ATP13A5: variants seen among roughly 807,000 people sequenced by gnomAD.
The protein encoded by ATP13A5 is probable cation-transporting ATPase 13A5.
Under a neutral mutation model 150.2 loss-of-function variants are expected in ATP13A5, and 149 were observed. That is an observed-to-expected ratio of 0.99 (90% CI 0.87 to 1.14). The LOEUF (loss-of-function observed/expected upper bound fraction) is 1.14. Among genes scored for constraint, ATP13A5 ranks in the 50% most tolerant of loss-of-function variants. ATP13A5 has a pLI of 0.00. For synonymous variants in ATP13A5, 497 were observed against 522.2 expected, an observed-to-expected ratio of 0.95 and a Z score of 0.66; for missense variants, 1,383 against 1,449.3, an observed-to-expected ratio of 0.95 and a Z score of 0.74.
intron 25 of ATP13A5, among the ~76,000 whole-genome samples, chr3:193,294,176 G>A (rs1265985968): frequency 6.6e-6 from 1 of 152,080 alleles, no homozygotes; most frequent in Non-Finnish European, 1.5e-5. Flanking sequence ...GATGGAAACA[G>A]TAAGAATGGA....
intron 21 of ATP13A5, among the ~76,000 whole-genome samples, chr3:193,310,102 G>A (rs1412355500): frequency 6.6e-6 from 1 of 152,044 alleles, no homozygotes. Flanking sequence ...GCTTCCACTT[G>A]TAAGTGAGAA....
rs556283708 is a variant in ATP13A5 at position 193,289,420 on chromosome 3, A to G, written c.3023+465T>C. On this transcript the variant is annotated intron_variant, in intron 26 of 29. Transcript: ENST00000342358. ...CAGTGGCCTGCAAACTACAGCCCAC[A>G]GGCCAAATCTGATTCATCACCTGAT... Among the ~76,000 whole-genome samples the G allele has an allele frequency of 2.6e-5, 4 of 152,254 alleles. No homozygotes were observed. In the East Asian group the frequency reaches 7.7e-4, roughly 29 times the overall value.
At chr3:193,344,733 G>A (rs574434998) in intron 8 of ATP13A5, among the ~76,000 whole-genome samples, 1 of 152,248 alleles carries the variant, frequency 6.6e-6, no homozygotes, top group East Asian at 1.9e-4. Flanking sequence ...ACGGAATGAG[G>A]GCTTGGGTGA....
chr3:193,353,886 A>AC (rs1560147200), intron 6 of ATP13A5, among the ~76,000 whole-genome samples: 12 of 151,802 alleles, frequency 7.9e-5, no homozygotes, highest in African/African-American at 2.4e-4. Context: ...ACCACCACCA[A>AC]AACCACCATC....
intron 1 of ATP13A5, among the ~76,000 whole-genome samples, chr3:193,367,985 G>A (rs1254107207): frequency 4.1e-5 from 6 of 147,630 alleles, no homozygotes; most frequent in Admixed American, 1.4e-4. Flanking sequence ...GGGAAGGGAA[G>A]GAAAGGGAAG....
chr3:193,316,970 A>C (rs182172929), intron 17 of ATP13A5, among the ~76,000 whole-genome samples: 1 of 152,334 alleles, frequency 6.6e-6, no homozygotes, highest in African/African-American at 2.4e-5. Context: ...TGGTCTTGGC[A>C]ATGATTTCAT....
chr3:193,301,399 G>T, intron 23 of ATP13A5, 92 bp from the exon 24 acceptor site: 1 of 888,520 alleles, frequency 1.1e-6, no homozygotes, highest in Non-Finnish European at 1.8e-6. Context: ...ATTTTTAGTA[G>T]CCTGTTGACA....
chr3:193,334,021 A>C lies in ATP13A5; in HGVS notation c.1115-114T>G, dbSNP rs568595295. The C allele has an allele frequency of 1.4e-5, 13 of 926,366 alleles. No individual in the cohort carries two copies. The African/African-American group carries it at 2.0e-4, about 14-fold the overall frequency. The allele number at this position is 926,366 out of a possible 1,614,324, so 57.4% of individuals were successfully genotyped here. A position where few individuals can be genotyped will look rare whatever the true frequency, so the allele number is the denominator to read the frequency against. On this transcript the variant is annotated intron_variant, in intron 10 of 29. Coordinates refer to ENST00000342358, the MANE Select transcript of ATP13A5 (RefSeq NM_198505.4). The stretch of plus-strand genomic sequence containing the variant: ...TAGAGTGTCCTCTAACCTTCTACCT[A>C]ATCATTTTATAAGTTTTCAGGTGGT...
intron 9 of ATP13A5, among the ~76,000 whole-genome samples, chr3:193,338,785 A>G (rs1711998301): frequency 6.6e-6 from 1 of 152,012 alleles, no homozygotes; most frequent in Non-Finnish European, 1.5e-5. Flanking sequence ...TTTTCTAGTG[A>G]TTGGAATTGT....
At chr3:193,355,495 A>G (rs1712748473) in intron 5 of ATP13A5, among the ~76,000 whole-genome samples, 1 of 152,172 alleles carries the variant, frequency 6.6e-6, no homozygotes, top group Non-Finnish European at 1.5e-5. Flanking sequence ...TGCATGAGAG[A>G]TCTTTGGTCT....
chr3:193,338,599 G>C (rs1711987271), intron 9 of ATP13A5, among the ~76,000 whole-genome samples: 1 of 152,174 alleles, frequency 6.6e-6, no homozygotes, highest in Non-Finnish European at 1.5e-5. Context: ...CATCATGGTG[G>C]ATAAGCTTTT....
intron 13 of ATP13A5, 67 bp downstream of exon 13, chr3:193,326,929 G>T: frequency 1.4e-6 from 2 of 1,390,300 alleles, no homozygotes; most frequent in Non-Finnish European, 2.0e-6. Flanking sequence ...ACACCCAAAA[G>T]ATGGATTTGA....
Position 193,331,249 on chromosome 3 carries a change from C to G in ATP13A5, c.1335G>C (p.Val445=). 1 of 1,614,072 alleles carries G rather than the reference C, an allele frequency of 6.2e-7. No individual in the cohort carries two copies. The highest frequency in any genetic ancestry group is 8.5e-7 in the Non-Finnish European group (1 of 1,179,968). Residue 445 remains valine, a synonymous_variant, in exon 12 of 30, where the codon GTG becomes GTC. Transcript: ENST00000342358. ...LILLTVTVPP[V]LPAALTIGNV... is the part of the protein sequence containing the mutation. ...TGCCTATGGTCAGGGCAGCTGGCAG[C>G]ACTGGAGGGACAGTCACGGTGAGGA...
intron 9 of ATP13A5, 55 bp from the exon 10 acceptor site, chr3:193,335,154 C>T: frequency 1.3e-6 from 2 of 1,542,398 alleles, no homozygotes; most frequent in Non-Finnish European, 1.8e-6. Context: ...TTGGTCAGAA[C>T]TGGTGCATGC....
intron 16 of ATP13A5, among the ~76,000 whole-genome samples, chr3:193,321,009 A>G (rs889482537): frequency 4.6e-5 from 7 of 152,078 alleles, no homozygotes; most frequent in Non-Finnish European, 7.4e-5. Context: ...TTCTCCCTGG[A>G]GGTGACAGAG....
Position 193,356,836 on chromosome 3 carries a change from CGG to C in ATP13A5, c.537-2642_537-2641del, listed in dbSNP as rs370551644. On this transcript the variant is annotated intron_variant, in intron 5 of 29. Coordinates refer to ENST00000342358, the MANE Select transcript of ATP13A5 (RefSeq NM_198505.4). Reference sequence around the variant, plus strand: ...TTTTTTTTCTTTTTCTTTTTTGAGACGGAGTGTCTTGCTCTGTCGCCCAGGCT... The same window carrying C: ...TTTTTTTTCTTTTTCTTTTTTGAGACAGTGTCTTGCTCTGTCGCCCAGGCT... 9.6e-5 allele frequency among the ~76,000 whole-genome samples: 10 copies of C among 103,724 alleles called. No homozygotes were observed. The East Asian group carries it at 2.2e-3, about 22-fold the overall frequency. The allele number at this position is 103,724 out of a possible 152,430, so 68.0% of individuals were successfully genotyped here.
In ATP13A5 at chr3:193,279,244, A is replaced by G. The variant is rs1717367819; in HGVS notation, c.3315+122T>C. ...TATCTTATTTGCCCTTCTAGTATATAGAAATAGCCTCACAGTATTTGGTGG... is the reference window on the plus strand; with the variant it reads ...TATCTTATTTGCCCTTCTAGTATATGGAAATAGCCTCACAGTATTTGGTGG... On this transcript the variant is annotated intron_variant, in intron 28 of 29. Coordinates refer to ENST00000342358, the MANE Select transcript of ATP13A5 (RefSeq NM_198505.4). 3 of 742,280 alleles carry G rather than the reference A, an allele frequency of 4.0e-6. No homozygotes were observed. In the East Asian group the frequency reaches 7.9e-5, roughly 19 times the overall value. The allele number at this position is 742,280 out of a possible 1,614,324, so 46.0% of individuals were successfully genotyped here. A position where few individuals can be genotyped will look rare whatever the true frequency, so the allele number is the denominator to read the frequency against.
rs1334195792 is a variant in ATP13A5 at position 193,343,909 on chromosome 3, T to C, written c.943+18A>G. On this transcript the variant is annotated intron_variant, in intron 9 of 29. Transcript: ENST00000342358. ...AGATGTCAGACAGGGAAGAGGAAGC[T>C]CCATGACAACTGCCTACCTGTAAGC... is the stretch of plus-strand genomic sequence containing the variant. 6.2e-7 allele frequency: 1 copy of C among 1,609,480 alleles called. No individual in the cohort carries two copies. Among genetic ancestry groups the C allele is most frequent in the East Asian group, 2.2e-5 (1 of 44,818 alleles).
At chr3:193,342,394 C>A (rs1471774407) in intron 9 of ATP13A5, among the ~76,000 whole-genome samples, 4 of 152,038 alleles carry the variant, frequency 2.6e-5, no homozygotes, top group Admixed American at 2.6e-4. Context: ...GTAGGCTGTG[C>A]AATAAAGTAT....
Sources: gnomAD v4.1 joint callset for allele counts (sites outside exome capture counted in the v4.1 genomes callset) on GRCh38, gnomAD v4.1.1 for gene constraint, MANE v1.5 for transcripts, NCBI Gene and HGNC (gene_info 2026-07-23, HGNC 2026-07-21) for gene names.